The following PAPPA variants were observed in gnomAD, a reference collection of about 807,000 sequenced individuals.
The protein encoded by PAPPA is pappalysin 1.
A neutral mutation model predicts 164.0 loss-of-function variants in PAPPA; 60 were observed. That is an observed-to-expected ratio of 0.37 (90% confidence interval 0.30 to 0.45). PAPPA has a LOEUF of 0.45. PAPPA is among the 20% of genes least tolerant of loss of function. The pLI is 1.00. For missense variants in PAPPA, 1,782 were observed against 2,087.3 expected, an observed-to-expected ratio of 0.85 and a Z score of 2.85; for synonymous variants, 875 against 814.1, an observed-to-expected ratio of 1.07 and a Z score of -1.27.
chr9:116,175,748 A>G (rs1054811705), intron 1 of PAPPA, among the ~76,000 whole-genome samples: 9 of 152,312 alleles, frequency 5.9e-5, no homozygotes, highest in South Asian at 2.1e-4. Flanking sequence ...GTGGTGATAG[A>G]CATGTACTGT....
rs562870558 is a variant in PAPPA, at chr9:116,255,323, C to T, written c.2733-10534C>T. Among the ~76,000 whole-genome samples the T allele has an allele frequency of 2.6e-5, 4 of 152,120 alleles. No individual in the cohort carries two copies. In the South Asian group the frequency reaches 6.3e-4, roughly 24 times the overall value. ...TGACATTGAGCAGATGACTGAACTA[C>T]ATTGAATCGCAACTAAAAAATTCAA... On this transcript the variant is annotated intron_variant, in intron 7 of 21. Transcript: ENST00000328252.
chr9:116,298,130 A>C lies in PAPPA; in HGVS notation c.2954-4627A>C, dbSNP rs930794048. On this transcript the variant is annotated intron_variant, in intron 9 of 21. Transcript: ENST00000328252. ...CTAAGATTTGGTTTTCCAAGCTTTC[A>C]AATGGGAATAACGATCTCTGTGCAT... Among the ~76,000 whole-genome samples, 10 of 152,314 alleles carry C rather than the reference A, an allele frequency of 6.6e-5. No individual in the cohort carries two copies. The South Asian group carries it at 2.1e-3, about 32-fold the overall frequency.
intron 8 of PAPPA, among the ~76,000 whole-genome samples, chr9:116,268,018 C>A (rs538963010): frequency 2.5e-4 from 37 of 150,008 alleles, no homozygotes; most frequent in Middle Eastern, 3.6e-3. Flanking sequence ...GTATATTTAT[C>A]TATATATTTC....
intron 8 of PAPPA, among the ~76,000 whole-genome samples, chr9:116,269,361 C>T (rs977081189): frequency 6.6e-6 from 1 of 152,126 alleles, no homozygotes; most frequent in South Asian, 2.1e-4. Flanking sequence ...GACAACTCTG[C>T]AAAACTAACA....
At chr9:116,333,556 T>C (rs1479221389) in intron 12 of PAPPA, among the ~76,000 whole-genome samples, 3 of 152,204 alleles carry the variant, frequency 2.0e-5, no homozygotes, top group African/African-American at 7.2e-5. Context: ...CAAGGGGTCA[T>C]TTCAGGGTCA....
intron 1 of PAPPA, among the ~76,000 whole-genome samples, chr9:116,165,981 A>G (rs1374672685): frequency 1.3e-5 from 2 of 152,194 alleles, no homozygotes; most frequent in African/African-American, 2.4e-5. Flanking sequence ...CTAGCTCAGT[A>G]TCTGACCTAT....
In PAPPA at chr9:116,211,862, G is replaced by A; in HGVS notation, c.1848G>A (p.Gly616=). ...APKHKSCGDP[G]PGNDTCGFHS... The stretch of plus-strand genomic sequence containing the variant: ...AACACAAGTCCTGTGGTGACCCAGG[G>A]CCAGGAAATGACACCTGTGGCTTTC... Residue 616 remains glycine (G), a synonymous_variant, in exon 4 of 22, where the codon GGG becomes GGA. Coordinates refer to ENST00000328252, the MANE Select transcript of PAPPA (RefSeq NM_002581.5). 6.2e-7 allele frequency: 1 copy of A among 1,614,142 alleles called. No individual in the cohort carries two copies. The highest frequency in any genetic ancestry group is 1.1e-5 in the South Asian group (1 of 91,082).
chr9:116,387,503 A>G (rs1846831158), intron 21 of PAPPA, among the ~76,000 whole-genome samples: 1 of 152,044 alleles, frequency 6.6e-6, no homozygotes, highest in Admixed American at 6.6e-5. Context: ...CCTTCCAAAT[A>G]GCTGGGACTA....
intron 5 of PAPPA, among the ~76,000 whole-genome samples, chr9:116,226,163 T>A (rs147232181): frequency 6.6e-6 from 1 of 152,032 alleles, no homozygotes; most frequent in Non-Finnish European, 1.5e-5. Context: ...AAAGCTAGAG[T>A]GAAGCAGAGG....
chr9:116,367,648 C>T lies in PAPPA; in HGVS notation c.4499C>T (p.Ser1500Leu), dbSNP rs373338284. 6.8e-6 allele frequency: 11 copies of T among 1,612,634 alleles called. No individual in the cohort carries two copies. Among genetic ancestry groups the T allele is most frequent in the South Asian group, 6.6e-5 (6 of 90,910 alleles). The change falls in exon 19 of 22, where the codon TCG becomes TTG. Residue 1500 changes from serine to leucine, a missense_variant. Physicochemically the swap from Ser to Leu is moderately radical, Grantham distance 145. Around this residue, in one of 2 missense-constraint regions of PAPPA, gnomAD observed 1,324 missense variants for 1,656.9 expected, o/e 0.80. Coordinates refer to ENST00000328252, the MANE Select transcript of PAPPA (RefSeq NM_002581.5). ...LQCPDGYAIG[S>L]ECATSCLDHN... ...CCTCATGCTGTACTTCCCTCAGGGTCGGAGTGTGCCACCTCGTGCCTGGAC... is the reference window on the plus strand; with the variant it reads ...CCTCATGCTGTACTTCCCTCAGGGTTGGAGTGTGCCACCTCGTGCCTGGAC...
At position 116,211,752 on chromosome 9, in the gene PAPPA, A is replaced by G. The variant is rs1463592896; in HGVS notation, c.1738A>G (p.Ile580Val). 1 of 1,614,110 alleles carries G rather than the reference A, an allele frequency of 6.2e-7. No individual in the cohort carries two copies. Among genetic ancestry groups the G allele is most frequent in the Non-Finnish European group, 8.5e-7 (1 of 1,179,994 alleles). ...LYHVFRGISE[I>V]QSCSDPCMET... The stretch of plus-strand genomic sequence containing the variant: ...TCACGTCTTCCGAGGCATCTCAGAA[A>G]TCCAGTCCTGCAGTGACCCCTGCAT... Residue 580 changes from isoleucine to valine, a missense_variant, in exon 4 of 22, where the codon ATC becomes GTC. Ile to Val is a conservative substitution (Grantham distance 29). Coordinates refer to ENST00000328252, the MANE Select transcript of PAPPA (RefSeq NM_002581.5).
intron 1 of PAPPA, among the ~76,000 whole-genome samples, chr9:116,165,176 T>A (rs1319863074): frequency 2.6e-5 from 4 of 152,212 alleles, no homozygotes. Flanking sequence ...TACTTTAAAG[T>A]CTTAAGCCAG....
At chr9:116,281,496 C>G (rs568154579) in intron 9 of PAPPA, among the ~76,000 whole-genome samples, 1 of 152,236 alleles carries the variant, frequency 6.6e-6, no homozygotes, top group Non-Finnish European at 1.5e-5. Flanking sequence ...GACACTGAAG[C>G]AAATGACACT....
At chr9:116,286,771 T>G (rs1355830069) in intron 9 of PAPPA, 9 of 152,244 alleles carry the variant, frequency 5.9e-5, no homozygotes, top group Admixed American at 5.9e-4. Context: ...CCTCATCTTT[T>G]ACTTTAAAAA....
chr9:116,297,973 C>T (rs912953365), intron 9 of PAPPA, among the ~76,000 whole-genome samples: 1 of 152,030 alleles, frequency 6.6e-6, no homozygotes, highest in Non-Finnish European at 1.5e-5. Context: ...GGTGAAATAC[C>T]ATGTCCAAGA....
At chr9:116,158,994 T>G (rs1843633934) in intron 1 of PAPPA, among the ~76,000 whole-genome samples, 1 of 152,202 alleles carries the variant, frequency 6.6e-6, no homozygotes, top group African/African-American at 2.4e-5. Flanking sequence ...CTGTGGAACA[T>G]TTCCATTCCT....
chr9:116,355,242 T>C (rs1846337934), intron 17 of PAPPA, among the ~76,000 whole-genome samples: 1 of 152,186 alleles, frequency 6.6e-6, no homozygotes, highest in Non-Finnish European at 1.5e-5. Context: ...TAGTAGGTAC[T>C]CAGGAAATGT....
chr9:116,308,928 T>C (rs1405680730), intron 10 of PAPPA, among the ~76,000 whole-genome samples: 1 of 152,044 alleles, frequency 6.6e-6, no homozygotes, highest in Non-Finnish European at 1.5e-5. Context: ...TTAATTATAG[T>C]AGGGATATGG....
intron 13 of PAPPA, 51 bp from the exon 14 acceptor site, chr9:116,344,492 T>G: frequency 6.4e-7 from 1 of 1,570,696 alleles, no homozygotes; most frequent in Non-Finnish European, 8.7e-7. Context: ...CAACTGAGCA[T>G]AGCTGTCCTG....
Sources: allele counts gnomAD v4.1 joint callset (sites outside exome capture counted in the v4.1 genomes callset), GRCh38; gene constraint gnomAD v4.1.1; regional missense constraint gnomAD v4.1.1; transcripts MANE v1.5; gene names NCBI Gene and HGNC (gene_info 2026-07-23, HGNC 2026-07-21).